Variants in RBFOX1 observed in about 807,000 individuals in gnomAD.
RBFOX1 encodes the protein RNA binding fox-1 homolog 1.
In RBFOX1, 8 loss-of-function variants were observed where a neutral mutation model predicts 57.7. That is an observed-to-expected ratio of 0.14 (90% CI 0.08 to 0.25). The LOEUF (loss-of-function observed/expected upper bound fraction) is 0.25, where lower values mean the gene tolerates loss of function less well. RBFOX1 is among the 10% of genes least tolerant of loss of function. The pLI, the probability that RBFOX1 is intolerant of heterozygous loss-of-function variation, is 1.00. For missense variants in RBFOX1, 611 were observed against 548.5 expected, an observed-to-expected ratio of 1.11 and a Z score of -1.14; for synonymous variants, 326 against 222.4, an observed-to-expected ratio of 1.47 and a Z score of -4.15.
chr16:7,047,968 T>G (rs1253970512), intron 3 of RBFOX1, among the ~76,000 whole-genome samples: 1 of 151,918 alleles, frequency 6.6e-6, no homozygotes, highest in East Asian at 1.9e-4. Flanking sequence ...AACCTCCCCC[T>G]GCCGGGTTCA....
At chr16:6,884,828 G>A (rs2063657448) in intron 3 of RBFOX1, among the ~76,000 whole-genome samples, 1 of 152,164 alleles carries the variant, frequency 6.6e-6, no homozygotes, top group African/African-American at 2.4e-5. Context: ...AACTCAGGAG[G>A]TGGAGGTGGC....
chr16:6,626,174 G>C (rs1024889798), intron 2 of RBFOX1, among the ~76,000 whole-genome samples: 2 of 148,936 alleles, frequency 1.3e-5, no homozygotes, highest in African/African-American at 2.5e-5. Flanking sequence ...TGCATAGTTG[G>C]TTCTGTATTT....
chr16:6,767,429 G>T (rs985155438), intron 3 of RBFOX1, among the ~76,000 whole-genome samples: 3 of 152,282 alleles, frequency 2.0e-5, no homozygotes, highest in Non-Finnish European at 4.4e-5. Context: ...ATGTAGCCCT[G>T]CTGCAATCTA....
intron 3 of RBFOX1, among the ~76,000 whole-genome samples, chr16:6,869,286 A>C (rs541716213): frequency 8.5e-5 from 13 of 152,304 alleles, no homozygotes; most frequent in African/African-American, 2.9e-4. Flanking sequence ...AACCTTATCA[A>C]GTAAATACTT....
intron 4 of RBFOX1, among the ~76,000 whole-genome samples, chr16:7,416,018 C>T (rs567359699): frequency 1.3e-4 from 20 of 152,268 alleles, no homozygotes; most frequent in African/African-American, 4.8e-4. Flanking sequence ...CAGAGATGAT[C>T]TCCTCTTTGA....
At chr16:5,743,826 A>G (rs1032955153) in intron 3 of RBFOX1, among the ~76,000 whole-genome samples, 1 of 152,176 alleles carries the variant, frequency 6.6e-6, no homozygotes, top group African/African-American at 2.4e-5. Flanking sequence ...TATAGGCATG[A>G]GCCACTGCAC....
At chr16:5,400,833 G>T (rs1346624538) in intron 1 of RBFOX1, among the ~76,000 whole-genome samples, 1 of 152,130 alleles carries the variant, frequency 6.6e-6, no homozygotes, top group African/African-American at 2.4e-5. Context: ...TTTGATAGGA[G>T]AGAAGTGGTC....
At chr16:6,654,732 CT>C in intron 3 of RBFOX1, 82 bp downstream of exon 3, 1 of 1,044,166 alleles carries the variant, frequency 9.6e-7, no homozygotes, top group Non-Finnish European at 1.3e-6. Context: ...AGGCATGCCC[CT>C]CTCGATGATG....
intron 2 of RBFOX1, among the ~76,000 whole-genome samples, chr16:6,399,142 A>T (rs1013824022): frequency 2.6e-5 from 4 of 152,148 alleles, no homozygotes; most frequent in Non-Finnish European, 5.9e-5. Flanking sequence ...GCCTCTTTTA[A>T]CCATGGCTGG....
chr16:7,356,766 T>C (rs1465916771), intron 4 of RBFOX1, among the ~76,000 whole-genome samples: 1 of 152,246 alleles, frequency 6.6e-6, no homozygotes, highest in African/African-American at 2.4e-5. Flanking sequence ...AGGGACACTC[T>C]CACATGGCTT....
At chr16:7,183,947 T>C (rs1261920946) in intron 4 of RBFOX1, among the ~76,000 whole-genome samples, 1 of 152,100 alleles carries the variant, frequency 6.6e-6, no homozygotes, top group African/African-American at 2.4e-5. Flanking sequence ...GAGGCTAAAA[T>C]TTCAGACTGC....
chr16:6,800,528 C>A (rs1366042081), intron 3 of RBFOX1, among the ~76,000 whole-genome samples: 1 of 152,076 alleles, frequency 6.6e-6, no homozygotes, highest in East Asian at 1.9e-4. Context: ...CAAAAGCCGC[C>A]CTTCCGTGCA....
rs1344636714 is a variant in RBFOX1, at chr16:5,728,580, T to TTC, written c.318+129623_318+129624dup. On this transcript the variant is annotated intron_variant, in intron 3 of 19. Coordinates refer to the RBFOX1 transcript ENST00000641259. ...GAAGTAGGGAAAGGCGGGAACACCA[T>TTC]TCTCTGATGCCATTTATCTTCTCTG... is the stretch of plus-strand genomic sequence containing the variant. Among the ~76,000 whole-genome samples, 8 of 152,190 alleles carry TTC rather than the reference T, an allele frequency of 5.3e-5. No individual in the cohort carries two copies. The East Asian group carries it at 1.5e-3, about 29-fold the overall frequency.
chr16:6,871,123 TGA>T (rs1220644478), intron 3 of RBFOX1, among the ~76,000 whole-genome samples: 1 of 152,246 alleles, frequency 6.6e-6, no homozygotes, highest in East Asian at 1.9e-4. Flanking sequence ...TGGAATTTGA[TGA>T]AGGTTCCTTT....
intron 11 of RBFOX1, among the ~76,000 whole-genome samples, chr16:7,653,050 C>G (rs1011649542): frequency 5.9e-5 from 9 of 152,018 alleles, no homozygotes; most frequent in African/African-American, 2.2e-4. Flanking sequence ...TTCATATCAG[C>G]ATATGTACAT....
At chr16:6,397,068 A>G (rs12597407) in intron 2 of RBFOX1, among the ~76,000 whole-genome samples, 3,762 of 152,242 alleles carry the variant, frequency 0.025, 313 homozygotes, top group East Asian at 0.21. Flanking sequence ...ATGGGATAAT[A>G]TCAAATGTAT....
At position 7,420,973 on chromosome 16, in the gene RBFOX1, A is replaced by G. The variant is rs1015236442; in HGVS notation, c.28-97174A>G. The stretch of plus-strand genomic sequence containing the variant: ...CACACACACACACATATATATATAT[A>G]TGTAGTCCTGCGCTTTCCTGAGGCT... On this transcript the variant is annotated intron_variant, in intron 4 of 15. Transcript: ENST00000550418. Among the ~76,000 whole-genome samples the G allele has an allele frequency of 1.9e-4, 28 of 146,762 alleles. 1 individual carries two copies. The highest frequency in any genetic ancestry group is 6.7e-4 in the African/African-American group (27 of 40,398).
At chr16:6,726,430 A>T (rs2067201012) in intron 3 of RBFOX1, among the ~76,000 whole-genome samples, 1 of 152,004 alleles carries the variant, frequency 6.6e-6, no homozygotes, top group Non-Finnish European at 1.5e-5. Context: ...AAGGAGATAA[A>T]ATCACGACTT....
chr16:7,318,741 A>C (rs1216943724), intron 4 of RBFOX1, among the ~76,000 whole-genome samples: 2 of 152,188 alleles, frequency 1.3e-5, no homozygotes, highest in Non-Finnish European at 2.9e-5. Context: ...TTTTTATAGC[A>C]GGCTGAAAAG....
Sources: allele counts gnomAD v4.1 joint callset (sites outside exome capture counted in the v4.1 genomes callset), GRCh38; gene constraint gnomAD v4.1.1; transcripts MANE v1.5; gene names NCBI Gene and HGNC (gene_info 2026-07-23, HGNC 2026-07-21).